The following ABCG8 variants were observed in gnomAD, a reference collection of about 807,000 sequenced individuals.
ABCG8 encodes the protein ATP-binding cassette sub-family G member 8.
In ABCG8, 81 loss-of-function variants were observed where a neutral mutation model predicts 71.3. That is an observed-to-expected ratio of 1.14 (90% CI 0.95 to 1.37). The LOEUF (loss-of-function observed/expected upper bound fraction) is 1.37. ABCG8 is among the 40% of genes most tolerant of loss of function. ABCG8 has a pLI of 0.00. For synonymous variants in ABCG8, 451 were observed against 354.7 expected, an observed-to-expected ratio of 1.27 and a Z score of -3.05; for missense variants, 1,119 against 866.2, an observed-to-expected ratio of 1.29 and a Z score of -3.66.
At chr2:43,841,153 C>G (rs982940298) in intron 1 of ABCG8, among the ~76,000 whole-genome samples, 1 of 152,218 alleles carries the variant, frequency 6.6e-6, no homozygotes, top group Non-Finnish European at 1.5e-5. Context: ...CTTGCCAACC[C>G]TCCAGCCGTG....
chr2:43,840,197 C>A (rs1312921726), intron 1 of ABCG8, among the ~76,000 whole-genome samples: 3 of 152,176 alleles, frequency 2.0e-5, no homozygotes, highest in African/African-American at 7.2e-5. Context: ...GGAAAACAAC[C>A]TGGACTGGCC....
Position 43,874,844 on chromosome 2 carries a change from G to A in ABCG8, c.1489-302G>A, listed in dbSNP as rs573939862. Among the ~76,000 whole-genome samples the A allele has an allele frequency of 2.6e-5, 4 of 152,292 alleles. No individual in the cohort carries two copies. In the South Asian group the frequency reaches 8.3e-4, roughly 32 times the overall value. On this transcript the variant is annotated intron_variant, in intron 10 of 12. Transcript: ENST00000272286. ...CAGAGAGGCTACGTGGCTCTCCAAG[G>A]CCACACAGCTACTTGATCTGGTCAG...
At chr2:43,841,007 C>A (rs574821505) in intron 1 of ABCG8, among the ~76,000 whole-genome samples, 1 of 152,334 alleles carries the variant, frequency 6.6e-6, no homozygotes, top group Non-Finnish European at 1.5e-5. Context: ...CCTTAACCCA[C>A]AAACTCCTCA....
intron 11 of ABCG8, 105 bp downstream of exon 11, chr2:43,875,518 G>C (rs541002847): frequency 2.8e-6 from 4 of 1,418,078 alleles, no homozygotes; most frequent in Non-Finnish European, 2.8e-6. Flanking sequence ...GATCCAACTC[G>C]AGGCTGGCCC....
chr2:43,858,758 C>T (rs771969899), intron 6 of ABCG8, among the ~76,000 whole-genome samples: 1 of 150,646 alleles, frequency 6.6e-6, no homozygotes, highest in Non-Finnish European at 1.5e-5. Flanking sequence ...GGATAGAATT[C>T]TCACTCTGGA....
Position 43,874,443 on chromosome 2 carries a change from A to C in ABCG8, c.1448A>C (p.Glu483Ala). The C allele has an allele frequency of 6.2e-7, 1 of 1,613,958 alleles. No homozygotes were observed. The highest frequency in any genetic ancestry group is 8.5e-7 in the Non-Finnish European group (1 of 1,179,906). ...AGGGCAATGCTTTACTATGAACTGG[A>C]AGACGGGCTGTACACCACTGGTCCA... ...SERAMLYYEL[E>A]DGLYTTGPYF... The change falls in exon 10 of 13, where the codon GAA becomes GCA. Residue 483 changes from glutamate (E) to alanine (A), a missense_variant. Physicochemically the swap from Glu to Ala is moderately radical, Grantham distance 107 (BLOSUM62 -1). Coordinates refer to ENST00000272286, the MANE Select transcript of ABCG8 (RefSeq NM_022437.3).
rs542560736 is a variant in ABCG8, at chr2:43,847,756, T to A, written c.322+1445T>A. On this transcript the variant is annotated intron_variant, in intron 3 of 12. Coordinates refer to ENST00000272286, the MANE Select transcript of ABCG8 (RefSeq NM_022437.3). ...CTGAATAGTCTCCTGTTTTGTTTTTTTTGTTGTTGTTGTTTTGTTTTTTTG... is the reference window on the plus strand; with the variant it reads ...CTGAATAGTCTCCTGTTTTGTTTTTATTGTTGTTGTTGTTTTGTTTTTTTG... 3 of 152,142 alleles carry A rather than the reference T, an allele frequency of 2.0e-5. No homozygotes were observed. In the East Asian group the frequency reaches 5.8e-4, roughly 29 times the overall value. The allele number at this position is 152,142 out of a possible 1,614,324, so 9.4% of individuals were successfully genotyped here.
chr2:43,846,280 TG>T lies in ABCG8; in HGVS notation c.294del (p.Gln99ArgfsTer6). 2 of 1,614,136 alleles carry T rather than the reference TG, an allele frequency of 1.2e-6. No homozygotes were observed. The highest frequency in any genetic ancestry group is 1.7e-6 in the Non-Finnish European group (2 of 1,180,012). On this transcript the variant is annotated frameshift_variant, in exon 3 of 13. Transcript: ENST00000272286. LOFTEE classifies it high-confidence loss of function. ...AGAACCTAAGCTTCAAAGTGAGAAG[TG>T]GGCAGATGCTGGCCATCATAGGGAG... is the stretch of plus-strand genomic sequence containing the variant. ...IQNLSFKVRS[G>X]QMLAIIGSSG...
At position 43,852,803 on chromosome 2, in the gene ABCG8, T is replaced by C; in HGVS notation, c.899T>C (p.Met300Thr). Residue 300 changes from methionine (M) to threonine (T), a missense_variant, in exon 6 of 13, where the codon ATG becomes ACG. Coordinates refer to ENST00000272286, the MANE Select transcript of ABCG8 (RefSeq NM_022437.3). ...ATCTACTTAGGGGCGGCCCAGCACATGGTCCAGTATTTCACAGCCATCGGC... is the reference window on the plus strand; with the variant it reads ...ATCTACTTAGGGGCGGCCCAGCACACGGTCCAGTATTTCACAGCCATCGGC... ...TPIYLGAAQH[M>T]VQYFTAIGYP... The C allele has an allele frequency of 6.2e-7, 1 of 1,614,120 alleles. No individual in the cohort carries two copies.
Position 43,872,022 on chromosome 2 carries a change from C to T in ABCG8, c.1011C>T (p.Ala337=). 6.2e-7 allele frequency: 1 copy of T among 1,614,090 alleles called. No homozygotes were observed. The change falls in exon 7 of 13, where the codon GCC becomes GCT. Residue 337 remains alanine, a synonymous_variant. Coordinates refer to ENST00000272286, the MANE Select transcript of ABCG8 (RefSeq NM_022437.3). The part of the protein sequence containing the change: ...IDRRSREQEL[A]TREKAQSLAA... Reference sequence around the variant, plus strand: ...GGCGCAGCAGAGAGCAGGAATTGGCCACCAGGGAGAAGGCTCAGTCACTCG... The same window carrying T: ...GGCGCAGCAGAGAGCAGGAATTGGCTACCAGGGAGAAGGCTCAGTCACTCG...
rs370167161 is a variant in ABCG8, at chr2:43,872,052, C to G, written c.1041C>G (p.Ala347=). Reference sequence around the variant, plus strand: ...GGGAGAAGGCTCAGTCACTCGCAGCCCTGTTTCTAGAAAAAGTGCGTGACT... The same window carrying G: ...GGGAGAAGGCTCAGTCACTCGCAGCGCTGTTTCTAGAAAAAGTGCGTGACT... ...ATREKAQSLA[A]LFLEKVRDLD... is the part of the protein sequence containing the mutation. The change falls in exon 7 of 13, where the codon GCC becomes GCG. Residue 347 remains alanine, a synonymous_variant. Transcript: ENST00000272286. 28 of 1,613,930 alleles carry G rather than the reference C, an allele frequency of 1.7e-5. No individual in the cohort carries two copies. Among genetic ancestry groups the G allele is most frequent in the African/African-American group, 2.7e-5 (2 of 74,904 alleles).
At position 43,853,575 on chromosome 2, in the gene ABCG8, C is replaced by T. The variant is rs536081578; in HGVS notation, c.964+707C>T. Among the ~76,000 whole-genome samples the T allele has an allele frequency of 2.6e-5, 4 of 152,238 alleles. No homozygotes were observed. The East Asian group carries it at 7.7e-4, about 29-fold the overall frequency. ...GGTCGCCTGAGCCCCCAGCTTCCAC[C>T]CAGGATGGCAAACTGTAGCAAGGAC... On this transcript the variant is annotated intron_variant, in intron 6 of 12. Transcript: ENST00000272286.
chr2:43,845,429 G>T (rs1273021231), intron 2 of ABCG8, among the ~76,000 whole-genome samples: 2 of 152,082 alleles, frequency 1.3e-5, no homozygotes, highest in African/African-American at 4.8e-5. Flanking sequence ...GTAAAACAAG[G>T]ATTCTGAGCA....
At position 43,852,464 on chromosome 2, in the gene ABCG8, G is replaced by T. The variant is rs750704580; in HGVS notation, c.672G>T (p.Gly224=). The stretch of plus-strand genomic sequence containing the variant: ...GTGAGCGCAGGAGAGTCAGCATTGG[G>T]GTGCAGCTCCTGTGGAACCCAGGTG... ...SGGERRRVSI[G]VQLLWNPGIL... The change falls in exon 5 of 13, where the codon GGG becomes GGT. Residue 224 remains glycine (G), a synonymous_variant. Transcript: ENST00000272286. 6.2e-7 allele frequency: 1 copy of T among 1,613,482 alleles called. No homozygotes were observed. The highest frequency in any genetic ancestry group is 8.5e-7 in the Non-Finnish European group (1 of 1,180,000).
At chr2:43,873,553 T>C (rs935719355) in intron 8 of ABCG8, among the ~76,000 whole-genome samples, 1 of 152,160 alleles carries the variant, frequency 6.6e-6, no homozygotes, top group African/African-American at 2.4e-5. Flanking sequence ...TTGAGTAACA[T>C]TGCCAAGCTG....
At chr2:43,868,219 C>T (rs940076100) in intron 6 of ABCG8, among the ~76,000 whole-genome samples, 2 of 152,120 alleles carry the variant, frequency 1.3e-5, no homozygotes, top group African/African-American at 4.8e-5. Context: ...TTCTCACCCT[C>T]TGGATAGACC....
In ABCG8 at chr2:43,852,878, CA is replaced by C. The variant is rs1236248903; in HGVS notation, c.964+12del. Reference sequence around the variant, plus strand: ...CCTGCTGACTTCTATGGTGAGTCCCCAAGGCCAGCAGCCAGGGCCCTGGCAC... The same window carrying C: ...CCTGCTGACTTCTATGGTGAGTCCCCAGGCCAGCAGCCAGGGCCCTGGCAC... On this transcript the variant is annotated intron_variant, in intron 6 of 12. Transcript: ENST00000272286. The C allele has an allele frequency of 6.2e-7, 1 of 1,613,722 alleles. No individual in the cohort carries two copies. Among genetic ancestry groups the C allele is most frequent in the South Asian group, 1.1e-5 (1 of 91,062 alleles).
intron 6 of ABCG8, among the ~76,000 whole-genome samples, chr2:43,863,542 C>A (rs1336826893): frequency 6.6e-6 from 1 of 151,596 alleles, no homozygotes; most frequent in Non-Finnish European, 1.5e-5. Flanking sequence ...AGAATTCTCA[C>A]CCTCTGGATA....
At chr2:43,875,454 C>T in intron 11 of ABCG8, 41 bp downstream of exon 11, 1 of 1,597,596 alleles carries the variant, frequency 6.3e-7, no homozygotes, top group Non-Finnish European at 8.5e-7. Flanking sequence ...TTTGTTAGGA[C>T]TCATGTGACT....
Sources: allele counts gnomAD v4.1 joint callset (sites outside exome capture counted in the v4.1 genomes callset), GRCh38; gene constraint gnomAD v4.1.1; transcripts MANE v1.5; gene names NCBI Gene and HGNC (gene_info 2026-07-23, HGNC 2026-07-21).